The following TGFB2 variants were observed in gnomAD, a reference collection of about 807,000 sequenced individuals.
The protein encoded by TGFB2 is transforming growth factor beta 2, also known as transforming growth factor beta-2 proprotein.
A neutral mutation model predicts 42.7 loss-of-function variants in TGFB2; 13 were observed. The observed-to-expected ratio is 0.30, with a 90% CI of 0.20 to 0.48. TGFB2 has a LOEUF of 0.48. Ranked by LOEUF, TGFB2 falls within the 20% of genes least tolerant of loss-of-function variation. The pLI, the probability that TGFB2 is intolerant of heterozygous loss-of-function variation, is 0.99. For missense variants in TGFB2, 390 were observed against 517.5 expected (o/e 0.75, Z 2.39); for synonymous variants, 193 against 193.6 (o/e 1.00, Z 0.03).
chr1:218,434,202 C>A lies in TGFB2; in HGVS notation c.631C>A (p.Leu211Ile), dbSNP rs779476673. 1.2e-6 allele frequency: 2 copies of A among 1,614,130 alleles called. No individual in the cohort carries two copies. Among genetic ancestry groups the A allele is most frequent in the East Asian group, 4.5e-5 (2 of 44,884 alleles). The change falls in exon 3 of 7, where the codon CTT (leucine) becomes ATT (isoleucine). Residue 211 changes from leucine to isoleucine, a missense_variant. By Grantham distance (5) the Leu-to-Ile change is conservative. Coordinates refer to ENST00000366930, the MANE Select transcript of TGFB2 (RefSeq NM_003238.6). ...FDVTDAVHEW[L>I]HHKDRNLGFK... Reference sequence around the variant, plus strand: ...TGTAACTGATGCTGTTCATGAATGGCTTCACCATAAAGGTTACAAGCCACT... The same window carrying A: ...TGTAACTGATGCTGTTCATGAATGGATTCACCATAAAGGTTACAAGCCACT...
At chr1:218,400,999 C>T (rs182058263) in intron 1 of TGFB2, among the ~76,000 whole-genome samples, 18 of 152,204 alleles carry the variant, frequency 1.2e-4, no homozygotes, top group Non-Finnish European at 2.5e-4. Flanking sequence ...CATAAGACCT[C>T]GCTTACAAAG....
At chr1:218,436,600 T>C (rs1356892478) in intron 5 of TGFB2, among the ~76,000 whole-genome samples, 1 of 152,204 alleles carries the variant, frequency 6.6e-6, no homozygotes, top group Non-Finnish European at 1.5e-5. Context: ...TGTCACACCT[T>C]TAGCAACAGC....
intron 4 of TGFB2, 34 bp from the exon 5 acceptor site, chr1:218,435,935 GC>G: frequency 6.4e-7 from 1 of 1,572,118 alleles, no homozygotes; most frequent in Non-Finnish European, 8.6e-7. Context: ...TGAAGGTGAA[GC>G]TAAATGTTTA....
chr1:218,392,276 C>CCATTCACACAGCTACT (rs1188418778), intron 1 of TGFB2, among the ~76,000 whole-genome samples: 1 of 152,142 alleles, frequency 6.6e-6, no homozygotes, highest in African/African-American at 2.4e-5. Flanking sequence ...TGGTGTGAAC[C>CCATTCACACAGCTACT]CAGGAGGCGG....
chr1:218,367,831 T>A (rs1284866519), intron 1 of TGFB2, among the ~76,000 whole-genome samples: 2 of 152,166 alleles, frequency 1.3e-5, no homozygotes, highest in African/African-American at 4.8e-5. Context: ...GGAGTCTCGC[T>A]CCTCGCTCTG....
At chr1:218,384,263 T>C (rs1658057344) in intron 1 of TGFB2, among the ~76,000 whole-genome samples, 1 of 152,212 alleles carries the variant, frequency 6.6e-6, no homozygotes, top group Admixed American at 6.5e-5. Context: ...AAAGTAGCTA[T>C]GTATGTAGGA....
At chr1:218,415,423 G>A (rs1028315815) in intron 2 of TGFB2, among the ~76,000 whole-genome samples, 6 of 151,994 alleles carry the variant, frequency 3.9e-5, no homozygotes, top group African/African-American at 9.7e-5. Flanking sequence ...GGCCGGGCGC[G>A]GTGGCTCATG....
intron 2 of TGFB2, among the ~76,000 whole-genome samples, chr1:218,415,449 C>G (rs1659242896): frequency 6.6e-6 from 1 of 151,822 alleles, no homozygotes; most frequent in Non-Finnish European, 1.5e-5. Flanking sequence ...AATTCCAGCA[C>G]TTTGGGAGGC....
chr1:218,367,298 C>T (rs1221007757), intron 1 of TGFB2, among the ~76,000 whole-genome samples: 1 of 152,148 alleles, frequency 6.6e-6, no homozygotes, highest in African/African-American at 2.4e-5. Flanking sequence ...AAGGACCTAG[C>T]AAACAATGGA....
chr1:218,361,518 C>T (rs894398704), intron 1 of TGFB2, among the ~76,000 whole-genome samples: 1 of 152,170 alleles, frequency 6.6e-6, no homozygotes, highest in Non-Finnish European at 1.5e-5. Flanking sequence ...ACGGCGTACA[C>T]TGGCCTGAAG....
intron 5 of TGFB2, among the ~76,000 whole-genome samples, chr1:218,436,490 A>G (rs957321771): frequency 6.6e-6 from 1 of 152,196 alleles, no homozygotes; most frequent in East Asian, 1.9e-4. Flanking sequence ...ATTAAGAAAG[A>G]CCCACCATCT....
intron 1 of TGFB2, among the ~76,000 whole-genome samples, chr1:218,392,377 C>CA: frequency 6.6e-6 from 1 of 151,894 alleles, no homozygotes; most frequent in East Asian, 1.9e-4. Flanking sequence ...AACAAACAAA[C>CA]AAAAAACTGG....
At chr1:218,420,248 A>C (rs890716539) in intron 2 of TGFB2, among the ~76,000 whole-genome samples, 7 of 152,252 alleles carry the variant, frequency 4.6e-5, no homozygotes, top group Non-Finnish European at 1.0e-4. Context: ...CAAAGACTGT[A>C]GGAATTCAGC....
intron 1 of TGFB2, among the ~76,000 whole-genome samples, chr1:218,370,643 AG>A (rs1657540883): frequency 6.6e-6 from 1 of 152,190 alleles, no homozygotes; most frequent in Admixed American, 6.5e-5. Context: ...TCTCAATCTC[AG>A]TGAGTGATAA....
chr1:218,432,150 T>A (rs1481431528), intron 2 of TGFB2, among the ~76,000 whole-genome samples: 1 of 152,186 alleles, frequency 6.6e-6, no homozygotes, highest in Non-Finnish European at 1.5e-5. Flanking sequence ...TTCACACTTG[T>A]TCACTGGGAG....
intron 2 of TGFB2, among the ~76,000 whole-genome samples, chr1:218,433,045 CT>C (rs1325269034): frequency 1.3e-5 from 2 of 152,006 alleles, no homozygotes; most frequent in African/African-American, 4.8e-5. Flanking sequence ...ATAAATACAC[CT>C]TTCTTGAAAT....
intron 1 of TGFB2, among the ~76,000 whole-genome samples, chr1:218,370,153 C>T (rs1174433318): frequency 6.6e-6 from 1 of 152,168 alleles, no homozygotes; most frequent in Non-Finnish European, 1.5e-5. Flanking sequence ...TGGTTGATGA[C>T]AAGGAAAGCA....
chr1:218,426,538 A>T (rs1298354164), intron 2 of TGFB2, among the ~76,000 whole-genome samples: 1 of 152,202 alleles, frequency 6.6e-6, no homozygotes, highest in Non-Finnish European at 1.5e-5. Context: ...ATATGTGGGT[A>T]TTTCACACAT....
At chr1:218,405,125 CA>C (rs1284828032) in intron 1 of TGFB2, 43 bp from the exon 2 acceptor site, 1 of 1,538,442 alleles carries the variant, frequency 6.5e-7, no homozygotes, top group East Asian at 2.3e-5. Flanking sequence ...TCTGAAAGCA[CA>C]ATGGATTTTA....
Sources: allele counts gnomAD v4.1 joint callset (sites outside exome capture counted in the v4.1 genomes callset), GRCh38; gene constraint gnomAD v4.1.1; transcripts MANE v1.5; gene names NCBI Gene and HGNC (gene_info 2026-07-23, HGNC 2026-07-21).